SCN11A: variants seen among roughly 807,000 people sequenced by gnomAD.
SCN11A encodes the protein sodium channel protein type 11 subunit alpha.
A neutral mutation model predicts 162.2 loss-of-function variants in SCN11A; 122 were observed. That is an observed-to-expected ratio of 0.75 (90% CI 0.65 to 0.87). SCN11A has a LOEUF of 0.87. SCN11A is among the 40% of genes least tolerant of loss of function. The pLI is 0.00. For synonymous variants in SCN11A, 758 were observed against 751.5 expected (o/e 1.01, Z -0.14); for missense variants, 2,015 against 2,181.6 (o/e 0.92, Z 1.52).
intron 3 of SCN11A, among the ~76,000 whole-genome samples, chr3:38,955,280 C>T (rs967985423): frequency 2.0e-5 from 3 of 152,090 alleles, no homozygotes; most frequent in Non-Finnish European, 2.9e-5. Flanking sequence ...GAATGAGACT[C>T]TGTCCCAAAA....
chr3:38,892,652 T>C (rs1012707119), intron 19 of SCN11A, among the ~76,000 whole-genome samples: 13 of 152,022 alleles, frequency 8.6e-5, no homozygotes, highest in Admixed American at 7.9e-4. Flanking sequence ...TCTAGTTATA[T>C]TAAGCAATAA....
chr3:38,975,201 C>T (rs181884173), intron 2 of SCN11A, among the ~76,000 whole-genome samples: 2 of 151,738 alleles, frequency 1.3e-5, no homozygotes, highest in Admixed American at 1.3e-4. Flanking sequence ...TTAAAAGATC[C>T]TCACTGAAGA....
intron 2 of SCN11A, among the ~76,000 whole-genome samples, chr3:39,020,328 C>T (rs528329450): frequency 4.9e-4 from 75 of 152,302 alleles, no homozygotes; most frequent in African/African-American, 1.7e-3. Context: ...AATGTTGCAA[C>T]GGATGTTACT....
intron 7 of SCN11A, among the ~76,000 whole-genome samples, chr3:38,945,010 G>A (rs1455899013): frequency 6.6e-6 from 1 of 152,056 alleles, no homozygotes. Context: ...TTTTGGCATA[G>A]TGAACTCCCA....
At chr3:39,037,643 A>T (rs1415257721) in intron 1 of SCN11A, among the ~76,000 whole-genome samples, 1 of 152,160 alleles carries the variant, frequency 6.6e-6, no homozygotes, top group East Asian at 1.9e-4. Flanking sequence ...AAAATAAAAA[A>T]AATTAAACTG....
intron 2 of SCN11A, among the ~76,000 whole-genome samples, chr3:39,027,230 T>C (rs1441911146): frequency 1.3e-5 from 2 of 152,194 alleles, no homozygotes; most frequent in South Asian, 2.1e-4. Flanking sequence ...GATTTTCCTT[T>C]ACTCAATAAA....
intron 26 of SCN11A, among the ~76,000 whole-genome samples, chr3:38,868,035 C>CTT (rs1249287098): frequency 1.3e-5 from 2 of 152,268 alleles, no homozygotes; most frequent in South Asian, 4.1e-4. Context: ...AATGATCGAG[C>CTT]TCTAAAATGG....
chr3:38,999,799 G>A (rs995382324), intron 2 of SCN11A, among the ~76,000 whole-genome samples: 1 of 152,132 alleles, frequency 6.6e-6, no homozygotes, highest in Admixed American at 6.5e-5. Context: ...ATTTCGTGTT[G>A]GGATGACCTT....
chr3:38,876,676 C>A (rs1307116685), intron 23 of SCN11A, among the ~76,000 whole-genome samples: 4 of 151,794 alleles, frequency 2.6e-5, no homozygotes, highest in African/African-American at 9.7e-5. Context: ...CTTACTCCTG[C>A]AACAATGGCA....
At chr3:38,972,328 AC>A (rs1295688239) in intron 2 of SCN11A, among the ~76,000 whole-genome samples, 4 of 152,056 alleles carry the variant, frequency 2.6e-5, no homozygotes, top group African/African-American at 4.8e-5. Flanking sequence ...TCCTCCGGTG[AC>A]CCAGGTCCTT....
At chr3:38,867,246 G>A in intron 27 of SCN11A, 75 bp downstream of exon 27, 1 of 1,402,490 alleles carries the variant, frequency 7.1e-7, no homozygotes, top group Non-Finnish European at 1.0e-6. Flanking sequence ...AACATTCTAG[G>A]CCAGAATTAT....
At chr3:39,045,574 C>A (rs2032163768) in intron 1 of SCN11A, among the ~76,000 whole-genome samples, 1 of 152,132 alleles carries the variant, frequency 6.6e-6, no homozygotes, top group Non-Finnish European at 1.5e-5. Context: ...GCAGAAAAGG[C>A]ATTCGATAAA....
chr3:38,883,522 C>T, intron 21 of SCN11A, 135 bp from the exon 22 acceptor site: 1 of 745,180 alleles, frequency 1.3e-6, no homozygotes, highest in Non-Finnish European at 2.2e-6. Context: ...AGTAGAGCAT[C>T]TTTTTCTAAC....
At chr3:39,006,610 G>A (rs746013608) in intron 2 of SCN11A, among the ~76,000 whole-genome samples, 10 of 152,060 alleles carry the variant, frequency 6.6e-5, no homozygotes, top group Non-Finnish European at 1.2e-4. Context: ...ACATATTATC[G>A]AAGTCTTCAG....
intron 2 of SCN11A, among the ~76,000 whole-genome samples, chr3:38,993,496 C>T (rs1559567286): frequency 6.6e-6 from 1 of 152,188 alleles, no homozygotes; most frequent in Non-Finnish European, 1.5e-5. Flanking sequence ...TCATACTAAA[C>T]AGGACGGAAA....
At chr3:38,942,859 T>C (rs1028344665) in intron 7 of SCN11A, among the ~76,000 whole-genome samples, 3 of 152,202 alleles carry the variant, frequency 2.0e-5, no homozygotes, top group African/African-American at 7.2e-5. Flanking sequence ...GAAACTTTCA[T>C]ATATTGCTGA....
At chr3:38,940,443 A>G (rs1314938494) in intron 7 of SCN11A, among the ~76,000 whole-genome samples, 1 of 152,182 alleles carries the variant, frequency 6.6e-6, no homozygotes, top group Non-Finnish European at 1.5e-5. Context: ...AACATTAGAC[A>G]ATCTTGATAG....
At chr3:38,904,939 T>C (rs2065768911) in intron 15 of SCN11A, among the ~76,000 whole-genome samples, 1 of 152,180 alleles carries the variant, frequency 6.6e-6, no homozygotes, top group Admixed American at 6.5e-5. Flanking sequence ...TGAAGTCCCA[T>C]CCCAAGTCTA....
At chr3:39,022,038 G>T (rs1449404981) in intron 2 of SCN11A, among the ~76,000 whole-genome samples, 2 of 152,058 alleles carry the variant, frequency 1.3e-5, no homozygotes, top group East Asian at 1.9e-4. Context: ...AATCAACCAA[G>T]TGCCTAAGGC....
Sources: allele counts gnomAD v4.1 joint callset (sites outside exome capture counted in the v4.1 genomes callset), GRCh38; gene constraint gnomAD v4.1.1; transcripts MANE v1.5; gene names NCBI Gene and HGNC (gene_info 2026-07-23, HGNC 2026-07-21).